TYR: variants seen among roughly 807,000 people sequenced by gnomAD.
TYR encodes the protein LB24-AB.
A neutral mutation model predicts 51.5 loss-of-function variants in TYR; 58 were observed. The ratio of observed to expected loss-of-function variants is 1.13; its 90% CI spans 0.91 to 1.40. TYR has a LOEUF of 1.40. TYR is among the 40% of genes most tolerant of loss of function. The pLI is 0.00. For missense variants in TYR, 732 were observed against 647.4 expected, an observed-to-expected ratio of 1.13 and a Z score of -1.42; for synonymous variants, 263 against 235.2, an observed-to-expected ratio of 1.12 and a Z score of -1.08.
At chr11:89,260,541 C>T (rs926388088) in intron 3 of TYR, among the ~76,000 whole-genome samples, 4 of 152,052 alleles carry the variant, frequency 2.6e-5, no homozygotes, top group African/African-American at 9.7e-5. Context: ...GGTAGACTTC[C>T]TCCAACCATG....
intron 3 of TYR, among the ~76,000 whole-genome samples, chr11:89,271,059 G>C (rs1031034811): frequency 6.6e-6 from 1 of 151,846 alleles, no homozygotes; most frequent in African/African-American, 2.4e-5. Context: ...AGGGGCAAAA[G>C]ATGTAGGAGA....
chr11:89,209,528 A>G (rs1475153162), intron 2 of TYR, among the ~76,000 whole-genome samples: 2 of 152,186 alleles, frequency 1.3e-5, no homozygotes, highest in Non-Finnish European at 2.9e-5. Context: ...CTCTGGGGGC[A>G]GGGCATATCT....
chr11:89,263,093 G>GA (rs906907010), intron 3 of TYR, among the ~76,000 whole-genome samples: 12 of 151,034 alleles, frequency 7.9e-5, no homozygotes, highest in Non-Finnish European at 8.9e-5. Context: ...AATACAAATG[G>GA]AAAAAAAATT....
In TYR at chr11:89,178,673, T is replaced by C. The variant is rs1943261509; in HGVS notation, c.720T>C (p.Asp240=). The stretch of plus-strand genomic sequence containing the variant: ...CTATTCCATATTGGGACTGGCGGGA[T>C]GCAGAAAAGTGTGACATTTGCACAG... The part of the protein sequence containing the change: ...NFTIPYWDWR[D]AEKCDICTDE... The change falls in exon 1 of 5, where the codon GAT becomes GAC. Residue 240 remains aspartate, a synonymous_variant. Coordinates refer to ENST00000263321, the MANE Select transcript of TYR (RefSeq NM_000372.5). 4 of 1,613,624 alleles carry C rather than the reference T, an allele frequency of 2.5e-6. No homozygotes were observed. Among genetic ancestry groups the C allele is most frequent in the Non-Finnish European group, 3.4e-6 (4 of 1,179,758 alleles).
intron 4 of TYR, chr11:89,294,080 A>G (rs1014365509): frequency 6.2e-6 from 1 of 161,080 alleles, no homozygotes; most frequent in African/African-American, 2.4e-5. Context: ...TTAACTCTGG[A>G]CAATCTAAAT....
intron 3 of TYR, among the ~76,000 whole-genome samples, chr11:89,262,998 C>T (rs1312464566): frequency 6.6e-6 from 1 of 151,606 alleles, no homozygotes; most frequent in Admixed American, 6.6e-5. Context: ...CATTTCCTGA[C>T]TTACTCTATG....
chr11:89,295,072 A>G, intron 4 of TYR, 71 bp from the exon 5 acceptor site: 1 of 1,589,598 alleles, frequency 6.3e-7, no homozygotes, highest in Non-Finnish European at 8.6e-7. Flanking sequence ...AGGACTGTGA[A>G]AGGATGAAGA....
chr11:89,295,241 A>C lies in TYR; in HGVS notation c.1465A>C (p.Thr489Pro). The C allele has an allele frequency of 1.2e-6, 2 of 1,613,958 alleles. No individual in the cohort carries two copies. The highest frequency in any genetic ancestry group is 1.7e-6 in the Non-Finnish European group (2 of 1,179,858). The change falls in exon 5 of 5, where the codon ACT (threonine) becomes CCT (proline). Residue 489 changes from threonine (T) to proline (P), a missense_variant. Physicochemically the swap from Thr to Pro is conservative, Grantham distance 38 (BLOSUM62 -1). Coordinates refer to ENST00000263321, the MANE Select transcript of TYR (RefSeq NM_000372.5). Reference sequence around the variant, plus strand: ...GGCGGCGATGGTAGGGGCCGTCCTCACTGCCCTGCTGGCAGGGCTTGTGAG... The same window carrying C: ...GGCGGCGATGGTAGGGGCCGTCCTCCCTGCCCTGCTGGCAGGGCTTGTGAG... Reference protein sequence around the residue: ...LGAAMVGAVLTALLAGLVSLL... With the variant: ...LGAAMVGAVLPALLAGLVSLL...
chr11:89,182,989 G>C (rs1389528609), intron 1 of TYR, among the ~76,000 whole-genome samples: 1 of 152,132 alleles, frequency 6.6e-6, no homozygotes, highest in South Asian at 2.1e-4. Context: ...TTTCAGCAGA[G>C]AGTCATGGGT....
intron 2 of TYR, among the ~76,000 whole-genome samples, chr11:89,213,983 A>C (rs1943797344): frequency 6.6e-6 from 1 of 152,254 alleles, no homozygotes; most frequent in African/African-American, 2.4e-5. Flanking sequence ...TAAAACCATA[A>C]AAACCCTGGA....
At chr11:89,277,240 A>T (rs1266608517) in intron 3 of TYR, among the ~76,000 whole-genome samples, 10 of 151,728 alleles carry the variant, frequency 6.6e-5, no homozygotes, top group Admixed American at 6.6e-4. Context: ...TGAAAAAAAT[A>T]AATAATAATA....
intron 4 of TYR, among the ~76,000 whole-genome samples, chr11:89,287,857 A>C (rs924432666): frequency 1.3e-5 from 2 of 151,988 alleles, no homozygotes; most frequent in Non-Finnish European, 2.9e-5. Flanking sequence ...TTTAAGTTGC[A>C]GTGGTGGTGG....
chr11:89,264,281 A>G (rs943220670), intron 3 of TYR, among the ~76,000 whole-genome samples: 1 of 152,062 alleles, frequency 6.6e-6, no homozygotes, highest in Non-Finnish European at 1.5e-5. Context: ...TGATTGGGGT[A>G]AAGTCTCCAA....
At chr11:89,234,943 C>A in intron 3 of TYR, among the ~76,000 whole-genome samples, 1 of 151,076 alleles carries the variant, frequency 6.6e-6, no homozygotes, top group Non-Finnish European at 1.5e-5. Flanking sequence ...GAGTAGATTC[C>A]ATCTCAAGGT....
Position 89,191,263 on chromosome 11 carries a change from A to G in TYR, c.881A>G (p.Glu294Gly), listed in dbSNP as rs1565391875. ...CAGTCTTTATGCAATGGAACGCCCG[A>G]GGGACCTTTACGGCGTAATCCTGGA... ...SHQSLCNGTP[E>G]GPLRRNPGNH... Residue 294 changes from glutamate to glycine, a missense_variant, in exon 2 of 5, where the codon GAG becomes GGG. Coordinates refer to ENST00000263321, the MANE Select transcript of TYR (RefSeq NM_000372.5). 6.2e-7 allele frequency: 1 copy of G among 1,613,624 alleles called. No individual in the cohort carries two copies. The highest frequency in any genetic ancestry group is 8.5e-7 in the Non-Finnish European group (1 of 1,179,740).
rs61754366 is a variant in TYR at position 89,178,630 on chromosome 11, CAGG to C, written c.680_682del (p.Gly227del). ...TGGGAACAAGAAATCCAGAAGCTGA[CAGG>C]AGATGAAAACTTCACTATTCCATAT... On this transcript the variant is annotated inframe_deletion, in exon 1 of 5. Coordinates refer to ENST00000263321, the MANE Select transcript of TYR (RefSeq NM_000372.5). The C allele has an allele frequency of 1.2e-5, 20 of 1,612,440 alleles. No individual in the cohort carries two copies. Among genetic ancestry groups the C allele is most frequent in the Non-Finnish European group, 1.5e-5 (18 of 1,178,994 alleles).
chr11:89,214,195 C>CTAA (rs1943801389), intron 2 of TYR, among the ~76,000 whole-genome samples: 1 of 150,770 alleles, frequency 6.6e-6, no homozygotes, highest in South Asian at 2.1e-4. Context: ...TGACAAAGGG[C>CTAA]TAATGTCCAT....
At chr11:89,283,469 A>G (rs1005199449) in intron 3 of TYR, among the ~76,000 whole-genome samples, 2 of 151,870 alleles carry the variant, frequency 1.3e-5, no homozygotes, top group African/African-American at 4.8e-5. Flanking sequence ...TTGACCTGCT[A>G]GCTTAAAATG....
chr11:89,265,910 A>C (rs1944521042), intron 3 of TYR, among the ~76,000 whole-genome samples: 1 of 151,984 alleles, frequency 6.6e-6, no homozygotes, highest in Non-Finnish European at 1.5e-5. Context: ...GAAAAGGAAA[A>C]AAACTAAGAA....
Sources: allele counts gnomAD v4.1 joint callset (sites outside exome capture counted in the v4.1 genomes callset), GRCh38; gene constraint gnomAD v4.1.1; transcripts MANE v1.5; gene names NCBI Gene and HGNC (gene_info 2026-07-23, HGNC 2026-07-21).